ACTA2: variants seen among roughly 807,000 people sequenced by gnomAD.
The protein encoded by ACTA2 is actin, aortic smooth muscle.
Under a neutral mutation model 39.5 loss-of-function variants are expected in ACTA2, and 12 were observed. That is an observed-to-expected ratio of 0.30 (90% CI 0.19 to 0.49). The LOEUF is 0.49. Among genes scored for constraint, ACTA2 ranks in the 20% least tolerant of loss-of-function variants. The probability of loss-of-function intolerance (pLI) is 0.99; values close to 1 mark genes in which losing one functional copy is unlikely to be tolerated. For missense variants in ACTA2, 236 were observed against 498.8 expected, an observed-to-expected ratio of 0.47 and a Z score of 5.02; for synonymous variants, 158 against 180.6, an observed-to-expected ratio of 0.88 and a Z score of 1.00.
At chr10:88,956,799 G>T (rs543276093), upstream of ACTA2, among the ~76,000 whole-genome samples, 6 of 152,340 alleles carry the variant, frequency 3.9e-5, no homozygotes, top group South Asian at 6.2e-4. Context: ...AGCTGAGACT[G>T]GATAGTTTAT....
At chr10:88,936,557 C>A (rs566211092) in intron 8 of ACTA2, among the ~76,000 whole-genome samples, 2 of 124,368 alleles carry the variant, frequency 1.6e-5, no homozygotes, top group East Asian at 2.9e-4. Context: ...GTGTGTGGCA[C>A]CCTCCCCCCA....
intron 8 of ACTA2, among the ~76,000 whole-genome samples, chr10:88,937,119 G>A (rs1020718074): frequency 6.8e-6 from 1 of 146,196 alleles, no homozygotes; most frequent in Non-Finnish European, 1.5e-5. Flanking sequence ...AACGCTGTTG[G>A]AAAACAGTCT....
rs775575485 is a variant in ACTA2 at position 88,939,667 on chromosome 10, C to G, written c.648G>C (p.Glu216Asp). The G allele has an allele frequency of 6.2e-7, 1 of 1,614,064 alleles. No individual in the cohort carries two copies. The highest frequency in any genetic ancestry group is 8.5e-7 in the Non-Finnish European group (1 of 1,179,978). ...AGTCCAGAGCTACATAACACAGTTT[C>G]TCCTTGATGTCCCGGACAATCTCAC... ...AEREIVRDIK[E>D]KLCYVALDFE... The change falls in exon 7 of 9, where the codon GAG (glutamate) becomes GAC (aspartate). Residue 216 changes from glutamate (E) to aspartate (D), a missense_variant. Physicochemically the swap from Glu to Asp is conservative, Grantham distance 45. Transcript: ENST00000224784.
At chr10:88,971,195 C>G (rs1846438487) in intron 1 of ACTA2, among the ~76,000 whole-genome samples, 1 of 152,218 alleles carries the variant, frequency 6.6e-6, no homozygotes, top group African/African-American at 2.4e-5. Context: ...CTTGACCTCA[C>G]TTTTCCTAAA....
rs575888031 is a variant in ACTA2, at chr10:88,947,090, C to T, written c.258+168G>A. The T allele has an allele frequency of 1.1e-4, 103 of 963,874 alleles. 1 individual carries two copies. The African/African-American group carries it at 1.6e-3, about 15-fold the overall frequency. 59.7% of individuals were successfully genotyped at this position (963,874 alleles called of 1,614,324 possible). ...ATGAACTCATCATTTTTTATGGCTA[C>T]AAGGATTTTTTTTTCAATGGGTAAT... On this transcript the variant is annotated intron_variant, in intron 3 of 8. Coordinates refer to ENST00000224784, the MANE Select transcript of ACTA2 (RefSeq NM_001613.4).
At chr10:88,936,736 TTTACAAA>T (rs1202986510) in intron 8 of ACTA2, among the ~76,000 whole-genome samples, 1 of 152,170 alleles carries the variant, frequency 6.6e-6, no homozygotes, top group African/African-American at 2.4e-5. Context: ...ACCTCTTTTC[TTTACAAA>T]TTACCCAAGT....
chr10:88,961,694 C>CT (rs1846228947), intron 1 of ACTA2, among the ~76,000 whole-genome samples: 1 of 152,156 alleles, frequency 6.6e-6, no homozygotes, highest in African/African-American at 2.4e-5. Flanking sequence ...CTCTGAATCT[C>CT]AATAATCTTT....
At chr10:88,937,965 A>G (rs978314502) in intron 8 of ACTA2, 96 bp downstream of exon 8, 4 of 1,446,198 alleles carry the variant, frequency 2.8e-6, no homozygotes, top group East Asian at 2.3e-5. Flanking sequence ...CCACAATTGC[A>G]TGTCACCAAA....
intron 1 of ACTA2, among the ~76,000 whole-genome samples, chr10:88,957,947 T>C (rs1430142962): frequency 6.6e-6 from 1 of 152,076 alleles, no homozygotes; most frequent in Admixed American, 6.5e-5. Context: ...TTTGTATTTT[T>C]AGTAGAGACG....
intron 6 of ACTA2, chr10:88,940,984 A>T (rs549037169): frequency 1.9e-5 from 9 of 468,272 alleles, no homozygotes; most frequent in African/African-American, 1.8e-4. Context: ...TTAAAAAAAG[A>T]TCAATTATAC....
intron 1 of ACTA2, chr10:88,989,678 T>C (rs746492348): frequency 4.5e-6 from 2 of 443,946 alleles, no homozygotes; most frequent in Non-Finnish European, 8.9e-6. Flanking sequence ...CAGAAGAAAA[T>C]GTCAACTGAG....
chr10:88,947,074 T>C (rs1845964098), intron 3 of ACTA2, 184 bp downstream of exon 3: 3 of 786,322 alleles, frequency 3.8e-6, no homozygotes, highest in Non-Finnish European at 5.9e-6. Flanking sequence ...CATGAACTCA[T>C]CATTTTTTAT....
chr10:88,971,965 G>A (rs1384197512), intron 1 of ACTA2, among the ~76,000 whole-genome samples: 1 of 151,236 alleles, frequency 6.6e-6, no homozygotes, highest in Admixed American at 6.6e-5. Flanking sequence ...CTGGAGTGCA[G>A]AGGCGTGATC....
intron 1 of ACTA2, among the ~76,000 whole-genome samples, chr10:88,982,715 G>A (rs1435324298): frequency 1.3e-5 from 2 of 152,060 alleles, no homozygotes; most frequent in African/African-American, 4.8e-5. Flanking sequence ...AGTAAGACTT[G>A]TTTCTGCTAA....
At chr10:88,969,378 T>G (rs1846382233) in intron 1 of ACTA2, among the ~76,000 whole-genome samples, 2 of 152,246 alleles carry the variant, frequency 1.3e-5, no homozygotes, top group African/African-American at 4.8e-5. Context: ...CCCAAACTCA[T>G]GCTTGTAAGG....
chr10:88,942,020 C>T (rs560586453), intron 4 of ACTA2, 151 bp from the exon 5 acceptor site: 27 of 709,822 alleles, frequency 3.8e-5, no homozygotes, highest in Middle Eastern at 2.7e-4. Context: ...GCCCTGGTCA[C>T]GTTAAAGAGG....
At position 88,948,790 on chromosome 10, in the gene ACTA2, A is replaced by G. The variant is rs781402334; in HGVS notation, c.129+12T>C. On this transcript the variant is annotated intron_variant, in intron 2 of 8. Coordinates refer to ENST00000224784, the MANE Select transcript of ACTA2 (RefSeq NM_001613.4). ...CTGTGTCCTGTTATGTTCCAATCAT[A>G]ATTTTCCTCACCTGATGTCTGGGAC... 32 of 1,613,810 alleles carry G rather than the reference A, an allele frequency of 2.0e-5. No individual in the cohort carries two copies. In the Admixed American group the frequency reaches 2.0e-4, roughly 10 times the overall value.
At chr10:88,968,071 G>A (rs996437803) in intron 1 of ACTA2, among the ~76,000 whole-genome samples, 1 of 151,918 alleles carries the variant, frequency 6.6e-6, no homozygotes, top group Non-Finnish European at 1.5e-5. Flanking sequence ...GTGTTGTCAT[G>A]GTCTTGACAT....
intron 1 of ACTA2, among the ~76,000 whole-genome samples, chr10:88,985,487 G>A (rs562838617): frequency 6.6e-6 from 1 of 152,176 alleles, no homozygotes; most frequent in African/African-American, 2.4e-5. Context: ...AAGTGCTCTG[G>A]GGCTCCTCCC....
Sources: gnomAD v4.1 joint callset for allele counts (sites outside exome capture counted in the v4.1 genomes callset) on GRCh38, gnomAD v4.1.1 for gene constraint, MANE v1.5 for transcripts, NCBI Gene and HGNC (gene_info 2026-07-23, HGNC 2026-07-21) for gene names.